Variants in AUTS2 observed in about 807,000 individuals in gnomAD.
AUTS2 encodes autism susceptibility gene 2 protein.
In AUTS2, 17 loss-of-function variants were observed where a neutral mutation model predicts 112.4. The observed-to-expected ratio is 0.15, with a 90% CI of 0.10 to 0.23. The LOEUF is 0.23. AUTS2 is among the 10% of genes least tolerant of loss of function. The probability of loss-of-function intolerance (pLI) is 1.00; values close to 1 mark genes in which losing one functional copy is unlikely to be tolerated. For missense variants in AUTS2, 1,510 were observed against 1,701.6 expected (o/e 0.89, Z 1.98); for synonymous variants, 751 against 702.7 (o/e 1.07, Z -1.09).
chr7:70,318,496 C>T (rs566882230), intron 4 of AUTS2, among the ~76,000 whole-genome samples: 4 of 152,088 alleles, frequency 2.6e-5, no homozygotes, highest in Non-Finnish European at 5.9e-5. Flanking sequence ...AGTTTTAAAA[C>T]GATGAGCTTG....
chr7:70,301,937 GT>G (rs35067729), intron 4 of AUTS2, among the ~76,000 whole-genome samples: 44,943 of 146,700 alleles, frequency 0.31, 6,937 homozygotes, highest in African/African-American at 0.38. Context: ...GTTTTTTGTG[GT>G]TTTTTTTTTT....
intron 1 of AUTS2, among the ~76,000 whole-genome samples, chr7:69,845,997 G>C (rs1268791454): frequency 2.0e-5 from 3 of 152,088 alleles, no homozygotes; most frequent in Non-Finnish European, 4.4e-5. Flanking sequence ...GAGCTTCACT[G>C]CTCCCCTGTT....
At chr7:70,385,407 A>G (rs1562927785) in intron 4 of AUTS2, among the ~76,000 whole-genome samples, 2 of 152,222 alleles carry the variant, frequency 1.3e-5, no homozygotes. Context: ...TTAAATTACA[A>G]CTGGGTGGCA....
chr7:70,219,568 T>C (rs748285040), intron 4 of AUTS2, among the ~76,000 whole-genome samples: 7 of 151,498 alleles, frequency 4.6e-5, no homozygotes, highest in Non-Finnish European at 8.8e-5. Flanking sequence ...AATTTTTTTC[T>C]TTTCCTTTTT....
chr7:70,764,618 G>A, intron 7 of AUTS2, 134 bp from the exon 8 acceptor site: 1 of 629,512 alleles, frequency 1.6e-6, no homozygotes, highest in Non-Finnish European at 2.9e-6. Context: ...CTCGTACAGG[G>A]AGGATCTGTA....
chr7:70,750,378 C>A (rs1788730001), intron 6 of AUTS2, among the ~76,000 whole-genome samples: 2 of 124,866 alleles, frequency 1.6e-5, no homozygotes, highest in African/African-American at 8.7e-5. Context: ...TGCTGGAGTG[C>A]AGTGGCATTG....
At chr7:69,987,124 C>G (rs931882017) in intron 2 of AUTS2, among the ~76,000 whole-genome samples, 4 of 152,210 alleles carry the variant, frequency 2.6e-5, no homozygotes, top group African/African-American at 9.6e-5. Flanking sequence ...CATAATTTCT[C>G]TTCGCTGGAT....
intron 5 of AUTS2, among the ~76,000 whole-genome samples, chr7:70,561,609 TGAGATAGTCA>T (rs1191521049): frequency 2.0e-5 from 3 of 152,110 alleles, no homozygotes; most frequent in Non-Finnish European, 4.4e-5. Context: ...GCAACAGTGA[TGAGATAGTCA>T]GAGGTAACCA....
At chr7:69,943,859 T>G (rs1033415847) in intron 2 of AUTS2, among the ~76,000 whole-genome samples, 3 of 152,118 alleles carry the variant, frequency 2.0e-5, no homozygotes, top group Non-Finnish European at 4.4e-5. Flanking sequence ...TTGAAGCAGG[T>G]TTTAGCAGGT....
chr7:70,409,613 C>T lies in AUTS2; in HGVS notation c.661-26139C>T, dbSNP rs544752550. Among the ~76,000 whole-genome samples the T allele has an allele frequency of 5.3e-5, 8 of 152,224 alleles. No individual in the cohort carries two copies. In the East Asian group the frequency reaches 1.5e-3, roughly 29 times the overall value. ...TACATGAGGAGGCGTGTCATCTTGA[C>T]CAGCATTTAATGGGAGGGGAAAGCC... is the stretch of plus-strand genomic sequence containing the variant. On this transcript the variant is annotated intron_variant, in intron 4 of 18. Transcript: ENST00000342771.
chr7:70,329,753 AG>A lies in AUTS2; in HGVS notation c.661-105997del, dbSNP rs200188151. On this transcript the variant is annotated intron_variant, in intron 4 of 18. Transcript: ENST00000342771. ...GATAATAAATGCCTTTTGATGCACA[AG>A]GTTTTTAATTTGATGAAGTCTTAGC... Among the ~76,000 whole-genome samples, 35 of 151,700 alleles carry A rather than the reference AG, an allele frequency of 2.3e-4. No individual in the cohort carries two copies. In the East Asian group the frequency reaches 6.8e-3, roughly 29 times the overall value.
At chr7:70,027,623 T>C (rs1349011416) in intron 2 of AUTS2, among the ~76,000 whole-genome samples, 1 of 152,222 alleles carries the variant, frequency 6.6e-6, no homozygotes, top group Non-Finnish European at 1.5e-5. Flanking sequence ...ACTGGTTTCA[T>C]GGTATGCATT....
chr7:70,206,815 A>C (rs919784892), intron 4 of AUTS2, among the ~76,000 whole-genome samples: 9 of 152,200 alleles, frequency 5.9e-5, no homozygotes, highest in Non-Finnish European at 1.3e-4. Flanking sequence ...CATTGGAAAA[A>C]CATTTGTTGT....
chr7:70,394,734 C>T (rs886732766), intron 4 of AUTS2, among the ~76,000 whole-genome samples: 1 of 151,434 alleles, frequency 6.6e-6, no homozygotes, highest in Non-Finnish European at 1.5e-5. Context: ...TTGTGATAAT[C>T]ACTGGATTGA....
At chr7:70,780,010 A>G (rs1790962869) in intron 14 of AUTS2, among the ~76,000 whole-genome samples, 1 of 151,226 alleles carries the variant, frequency 6.6e-6, no homozygotes, top group African/African-American at 2.4e-5. Flanking sequence ...GCGAGACCCT[A>G]TCTATCTCAT....
At chr7:69,716,226 GTGTT>G (rs779431552) in intron 1 of AUTS2, among the ~76,000 whole-genome samples, 31 of 151,970 alleles carry the variant, frequency 2.0e-4, no homozygotes, top group South Asian at 1.7e-3. Context: ...CTGTGTGTGT[GTGTT>G]TGTGTGTGTG....
chr7:70,656,007 G>A (rs1038959335), intron 5 of AUTS2, among the ~76,000 whole-genome samples: 1 of 152,064 alleles, frequency 6.6e-6, no homozygotes, highest in African/African-American at 2.4e-5. Context: ...CACCAGGATC[G>A]AGCTTGCCGA....
chr7:70,434,474 A>G (rs144853203), intron 4 of AUTS2, among the ~76,000 whole-genome samples: 12 of 152,324 alleles, frequency 7.9e-5, no homozygotes, highest in Non-Finnish European at 1.5e-4. Context: ...CCTTGGCATC[A>G]TCCTAGACAC....
chr7:70,011,085 G>A (rs1452367621), intron 2 of AUTS2, among the ~76,000 whole-genome samples: 1 of 152,176 alleles, frequency 6.6e-6, no homozygotes, highest in African/African-American at 2.4e-5. Context: ...CTTATGTGTT[G>A]ATCTGAAATT....
Sources: allele counts gnomAD v4.1 joint callset (sites outside exome capture counted in the v4.1 genomes callset), GRCh38; gene constraint gnomAD v4.1.1; transcripts MANE v1.5; gene names NCBI Gene and HGNC (gene_info 2026-07-23, HGNC 2026-07-21).